The following ROBO2 variants were observed in gnomAD, a reference collection of about 807,000 sequenced individuals.
The protein encoded by ROBO2 is roundabout guidance receptor 2.
Under a neutral mutation model 160.8 loss-of-function variants are expected in ROBO2, and 53 were observed. The ratio of observed to expected loss-of-function variants is 0.33; its 90% CI spans 0.26 to 0.41. ROBO2 has a LOEUF of 0.41. Ranked by LOEUF, ROBO2 falls within the 10% of genes least tolerant of loss-of-function variation. The pLI, the probability that ROBO2 is intolerant of heterozygous loss-of-function variation, is 1.00. For missense variants in ROBO2, 1,577 were observed against 1,722.4 expected, an observed-to-expected ratio of 0.92 and a Z score of 1.49; for synonymous variants, 664 against 611.7, an observed-to-expected ratio of 1.09 and a Z score of -1.26.
In ROBO2 at chr3:76,752,917, T is replaced by G. The variant is rs189634318; in HGVS notation, c.110-345097T>G. On this transcript the variant is annotated intron_variant, in intron 2 of 26. Coordinates refer to the ROBO2 transcript ENST00000487694. ...CACAGAACATATTTTGCAAAACACT[T>G]AGAATGCAAACATTAGAAAATTCAA... Among the ~76,000 whole-genome samples the G allele has an allele frequency of 7.2e-5, 11 of 151,996 alleles. No homozygotes were observed. The South Asian group carries it at 8.3e-4, about 11-fold the overall frequency.
intron 2 of ROBO2, among the ~76,000 whole-genome samples, chr3:76,044,756 T>G (rs1038670807): frequency 1.3e-5 from 2 of 152,004 alleles, no homozygotes; most frequent in Non-Finnish European, 2.9e-5. Context: ...GTGCCATGAC[T>G]AAAATACACA....
intron 2 of ROBO2, among the ~76,000 whole-genome samples, chr3:77,346,099 C>T (rs1484973670): frequency 1.3e-5 from 2 of 152,060 alleles, no homozygotes; most frequent in Admixed American, 6.6e-5. Flanking sequence ...TTGCTTGCAA[C>T]CAAACATTAG....
intron 2 of ROBO2, among the ~76,000 whole-genome samples, chr3:77,242,724 C>G (rs2089212285): frequency 6.6e-6 from 1 of 151,644 alleles, no homozygotes; most frequent in South Asian, 2.1e-4. Flanking sequence ...AGGGTAAAAT[C>G]TAAGGTAGAG....
chr3:77,412,134 G>T (rs1560762841), intron 2 of ROBO2, among the ~76,000 whole-genome samples: 1 of 146,854 alleles, frequency 6.8e-6, no homozygotes, highest in Non-Finnish European at 1.5e-5. Context: ...GGTTCTAAAA[G>T]TACCCCAGGC....
chr3:76,592,132 C>T (rs1192120566), intron 2 of ROBO2, among the ~76,000 whole-genome samples: 1 of 151,750 alleles, frequency 6.6e-6, no homozygotes, highest in African/African-American at 2.4e-5. Flanking sequence ...TGTGAAAGTA[C>T]CTGTGTACTT....
intron 2 of ROBO2, among the ~76,000 whole-genome samples, chr3:76,366,607 A>G (rs2075822980): frequency 1.3e-5 from 2 of 152,012 alleles, no homozygotes; most frequent in South Asian, 4.1e-4. Context: ...TTGCTTACAT[A>G]AGATTAAATT....
At chr3:76,865,164 A>C (rs1032953547) in intron 2 of ROBO2, among the ~76,000 whole-genome samples, 3 of 151,892 alleles carry the variant, frequency 2.0e-5, no homozygotes, top group Admixed American at 6.6e-5. Context: ...ATATGTGAGC[A>C]TATAATCCAC....
intron 2 of ROBO2, among the ~76,000 whole-genome samples, chr3:76,921,340 G>T (rs752379356): frequency 1.3e-5 from 2 of 152,136 alleles, no homozygotes; most frequent in Non-Finnish European, 2.9e-5. Context: ...GGCCAGGCGG[G>T]ATGGTTCACA....
intron 2 of ROBO2, among the ~76,000 whole-genome samples, chr3:77,148,421 A>G (rs1260218518): frequency 6.6e-6 from 1 of 152,202 alleles, no homozygotes. Flanking sequence ...TCTGCATGAA[A>G]CTTTTTTTCT....
At chr3:77,531,402 A>AT (rs35230657) in intron 6 of ROBO2, among the ~76,000 whole-genome samples, 9 of 150,978 alleles carry the variant, frequency 6.0e-5, no homozygotes, top group South Asian at 2.1e-4. Flanking sequence ...CTACAGGGAC[A>AT]TTTTTTTTTT....
At chr3:76,812,161 C>T (rs370717324) in intron 2 of ROBO2, among the ~76,000 whole-genome samples, 2 of 151,848 alleles carry the variant, frequency 1.3e-5, no homozygotes, top group African/African-American at 2.4e-5. Context: ...GTGTGAGCCA[C>T]CGTGCCCAGC....
In ROBO2 at chr3:77,607,812, A is replaced by G. The variant is rs2094554258; in HGVS notation, c.3151A>G (p.Lys1051Glu). The G allele has an allele frequency of 1.9e-6, 3 of 1,614,000 alleles. No individual in the cohort carries two copies. The East Asian group carries it at 6.7e-5, about 36-fold the overall frequency. Residue 1051 changes from lysine (K) to glutamate (E), a missense_variant, in exon 21 of 26, where the codon AAA (lysine) becomes GAA (glutamate). By Grantham distance (56) the Lys-to-Glu change is moderately conservative. Coordinates refer to ENST00000461745, the Ensembl canonical transcript of ROBO2. Reference sequence around the variant, plus strand: ...ATTACTTTCAGGTGGGAAAGGTGGAAAAAAGAAGAAAAATAAAAACTCTTC... The same window carrying G: ...ATTACTTTCAGGTGGGAAAGGTGGAGAAAAGAAGAAAAATAAAAACTCTTC...
intron 1 of ROBO2, among the ~76,000 whole-genome samples, chr3:77,043,845 C>T (rs1242973279): frequency 6.6e-6 from 1 of 151,990 alleles, no homozygotes; most frequent in Non-Finnish European, 1.5e-5. Context: ...TACCCTTTAA[C>T]TATTCTTAAA....
At chr3:76,042,625 A>G (rs1448304332) in intron 2 of ROBO2, among the ~76,000 whole-genome samples, 3 of 152,022 alleles carry the variant, frequency 2.0e-5, no homozygotes, top group Non-Finnish European at 4.4e-5. Context: ...AGGAAGTGAA[A>G]TCAAAGACAG....
chr3:76,723,083 T>C (rs1447435746), intron 2 of ROBO2, among the ~76,000 whole-genome samples: 1 of 152,198 alleles, frequency 6.6e-6, no homozygotes, highest in Non-Finnish European at 1.5e-5. Context: ...GGTGAAAATA[T>C]ATAAATGTGT....
At chr3:76,129,478 AT>A (rs755093037) in intron 2 of ROBO2, among the ~76,000 whole-genome samples, 8 of 152,256 alleles carry the variant, frequency 5.3e-5, no homozygotes, top group Non-Finnish European at 1.2e-4. Flanking sequence ...GTTAATAAGG[AT>A]AATGCCTTTT....
chr3:76,825,526 A>G (rs1387911119), intron 2 of ROBO2, among the ~76,000 whole-genome samples: 1 of 149,704 alleles, frequency 6.7e-6, no homozygotes, highest in African/African-American at 2.5e-5. Context: ...CCTTACATAA[A>G]GTAACTACGA....
intron 2 of ROBO2, among the ~76,000 whole-genome samples, chr3:76,818,298 G>T (rs1008203749): frequency 1.2e-4 from 19 of 152,066 alleles, no homozygotes; most frequent in African/African-American, 3.6e-4. Flanking sequence ...CTTGTTTTGA[G>T]AATTGTCTAT....
chr3:76,014,291 G>T (rs1449704631), intron 2 of ROBO2, among the ~76,000 whole-genome samples: 2 of 137,684 alleles, frequency 1.5e-5, no homozygotes, highest in African/African-American at 5.1e-5. Flanking sequence ...GCAATTGGGG[G>T]CTGGGCACGG....
Sources: allele counts gnomAD v4.1 joint callset (sites outside exome capture counted in the v4.1 genomes callset), GRCh38; gene constraint gnomAD v4.1.1; transcripts MANE v1.5; gene names NCBI Gene and HGNC (gene_info 2026-07-23, HGNC 2026-07-21).